BANK1: variants seen among roughly 807,000 people sequenced by gnomAD.
BANK1 encodes the protein B cell scaffold protein with ankyrin repeats 1.
Under a neutral mutation model 94.5 loss-of-function variants are expected in BANK1, and 95 were observed. The observed-to-expected ratio is 1.00, with a 90% CI of 0.85 to 1.19. The LOEUF is 1.19. Among genes scored for constraint, BANK1 ranks in the 50% most tolerant of loss-of-function variants. The pLI, the probability that BANK1 is intolerant of heterozygous loss-of-function variation, is 0.00. For synonymous variants in BANK1, 334 were observed against 308.4 expected, an observed-to-expected ratio of 1.08 and a Z score of -0.87; for missense variants, 987 against 932.2, an observed-to-expected ratio of 1.06 and a Z score of -0.77.
chr4:102,055,744 A>G (rs1411659820), intron 11 of BANK1, among the ~76,000 whole-genome samples: 1 of 152,114 alleles, frequency 6.6e-6, no homozygotes, highest in Non-Finnish European at 1.5e-5. Flanking sequence ...CACAAAAAGT[A>G]CCTATTAAAA....
At chr4:101,978,175 A>T (rs1383615545) in intron 7 of BANK1, among the ~76,000 whole-genome samples, 1 of 152,072 alleles carries the variant, frequency 6.6e-6, no homozygotes, top group Non-Finnish European at 1.5e-5. Flanking sequence ...AAAGAAAACA[A>T]TGAAACTCTA....
At chr4:101,913,631 A>T (rs1156437163) in intron 6 of BANK1, among the ~76,000 whole-genome samples, 1 of 152,072 alleles carries the variant, frequency 6.6e-6, no homozygotes, top group Non-Finnish European at 1.5e-5. Context: ...TGTGTCCTCA[A>T]AGACTCTTTT....
intron 13 of BANK1, among the ~76,000 whole-genome samples, chr4:102,063,686 A>T (rs1414225759): frequency 1.3e-5 from 2 of 151,732 alleles, no homozygotes; most frequent in Non-Finnish European, 2.9e-5. Flanking sequence ...GCCGGCCATG[A>T]TGGTGCATGC....
chr4:101,925,548 C>G (rs937175891), intron 7 of BANK1, among the ~76,000 whole-genome samples: 1 of 151,640 alleles, frequency 6.6e-6, no homozygotes, highest in Non-Finnish European at 1.5e-5. Context: ...CAATAGAGAT[C>G]CTTAATACAT....
chr4:101,920,130 CA>C (rs1722952479), intron 7 of BANK1, among the ~76,000 whole-genome samples: 1 of 151,820 alleles, frequency 6.6e-6, no homozygotes, highest in Admixed American at 6.6e-5. Context: ...GACAAAAAAC[CA>C]AACACCGCAT....
Position 101,858,875 on chromosome 4 carries a change from C to T in BANK1, c.625-3651C>T, listed in dbSNP as rs1015810653. ...ATTTTATATGACCTGTTCATTGACACACTTCTAAGGCTAAAACCCTAATAT... is the reference window on the plus strand; with the variant it reads ...ATTTTATATGACCTGTTCATTGACATACTTCTAAGGCTAAAACCCTAATAT... On this transcript the variant is annotated intron_variant, in intron 3 of 16. Coordinates refer to ENST00000322953, the MANE Select transcript of BANK1 (RefSeq NM_017935.5). Among the ~76,000 whole-genome samples the T allele has an allele frequency of 6.6e-5, 10 of 152,276 alleles. No individual in the cohort carries two copies. The East Asian group carries it at 1.7e-3, about 26-fold the overall frequency.
chr4:101,812,551 C>T (rs961234130), intron 1 of BANK1, among the ~76,000 whole-genome samples: 3 of 151,794 alleles, frequency 2.0e-5, no homozygotes, highest in Non-Finnish European at 4.4e-5. Flanking sequence ...TGACATAGCT[C>T]TATCTTTAAG....
intron 7 of BANK1, among the ~76,000 whole-genome samples, chr4:102,008,504 A>T (rs1331062368): frequency 1.3e-5 from 2 of 152,200 alleles, no homozygotes; most frequent in Non-Finnish European, 1.5e-5. Context: ...CAACAAACTC[A>T]ATTTCATCTA....
chr4:102,041,979 C>T (rs1727717434), intron 10 of BANK1, among the ~76,000 whole-genome samples: 1 of 152,000 alleles, frequency 6.6e-6, no homozygotes, highest in Non-Finnish European at 1.5e-5. Context: ...CTTCAAACCT[C>T]AGCAGAATTT....
At chr4:101,914,165 C>G (rs2148898699) in intron 6 of BANK1, among the ~76,000 whole-genome samples, 1 of 152,246 alleles carries the variant, frequency 6.6e-6, no homozygotes, top group East Asian at 1.9e-4. Context: ...TAGAACTGCT[C>G]TTTCTTTCTA....
chr4:101,954,216 A>G (rs752913071), intron 7 of BANK1, among the ~76,000 whole-genome samples: 1 of 152,136 alleles, frequency 6.6e-6, no homozygotes, highest in Non-Finnish European at 1.5e-5. Context: ...CTCATCTGGT[A>G]TGACCTCATC....
intron 11 of BANK1, among the ~76,000 whole-genome samples, chr4:102,047,628 T>A (rs948960418): frequency 1.3e-5 from 2 of 152,098 alleles, no homozygotes; most frequent in Admixed American, 1.3e-4. Flanking sequence ...AGAGGAGATT[T>A]TTGGGAGAAA....
Position 101,790,953 on chromosome 4 carries a change from G to A in BANK1, c.70+3G>A. The A allele has an allele frequency of 6.6e-7, 1 of 1,506,430 alleles. No individual in the cohort carries two copies. Among genetic ancestry groups the A allele is most frequent in the Admixed American group, 2.2e-5 (1 of 46,074 alleles). 93.3% of individuals were successfully genotyped at this position (1,506,430 alleles called of 1,614,324 possible). A position where few individuals can be genotyped will look rare whatever the true frequency, so the allele number is the denominator to read the frequency against. On this transcript the variant is annotated splice_donor_region_variant and intron_variant, in intron 1 of 16. Coordinates refer to ENST00000322953, the MANE Select transcript of BANK1 (RefSeq NM_017935.5). ...CCCCTGCGGCCCAGCGCCCCCAGGTGGGTAGTCGCGCATTCGGAGGGGCTT... is the reference window on the plus strand; with the variant it reads ...CCCCTGCGGCCCAGCGCCCCCAGGTAGGTAGTCGCGCATTCGGAGGGGCTT...
At chr4:101,910,553 G>A (rs190179259) in intron 6 of BANK1, among the ~76,000 whole-genome samples, 1 of 152,048 alleles carries the variant, frequency 6.6e-6, no homozygotes, top group Admixed American at 6.6e-5. Context: ...AATTAGCCTG[G>A]TGTGGTGGTG....
chr4:101,859,119 G>C (rs1385721310), intron 3 of BANK1, among the ~76,000 whole-genome samples: 1 of 152,098 alleles, frequency 6.6e-6, no homozygotes, highest in Non-Finnish European at 1.5e-5. Flanking sequence ...ACTAGTCCTT[G>C]GTAACCAACC....
chr4:102,046,916 G>C (rs1434659857), intron 11 of BANK1, among the ~76,000 whole-genome samples: 1 of 152,130 alleles, frequency 6.6e-6, no homozygotes, highest in Non-Finnish European at 1.5e-5. Flanking sequence ...CCATGATAAT[G>C]AATGTGTACA....
intron 7 of BANK1, among the ~76,000 whole-genome samples, chr4:102,015,806 C>A (rs1449073500): frequency 1.3e-5 from 2 of 152,108 alleles, no homozygotes; most frequent in Non-Finnish European, 2.9e-5. Context: ...ATCCTCATTA[C>A]CCTTTGCTTT....
intron 7 of BANK1, among the ~76,000 whole-genome samples, chr4:102,001,781 T>C (rs893518875): frequency 1.3e-5 from 2 of 151,462 alleles, no homozygotes; most frequent in Non-Finnish European, 2.9e-5. Context: ...CCTGCAGGGG[T>C]AAAATAGGAG....
chr4:101,847,978 C>T (rs1727319728), intron 2 of BANK1, among the ~76,000 whole-genome samples: 1 of 152,180 alleles, frequency 6.6e-6, no homozygotes, highest in Admixed American at 6.5e-5. Context: ...CCTGATGGAT[C>T]CCTTTGGCGC....
Sources: gnomAD v4.1 joint callset for allele counts (sites outside exome capture counted in the v4.1 genomes callset) on GRCh38, gnomAD v4.1.1 for gene constraint, MANE v1.5 for transcripts, NCBI Gene and HGNC (gene_info 2026-07-23, HGNC 2026-07-21) for gene names.